Variants in TSPEAR observed in about 807,000 individuals in gnomAD.
TSPEAR encodes thrombospondin type laminin G domain and EAR repeats.
Under a neutral mutation model 71.6 loss-of-function variants are expected in TSPEAR, and 69 were observed. That is an observed-to-expected ratio of 0.96 (90% CI 0.79 to 1.18). The LOEUF (loss-of-function observed/expected upper bound fraction) is 1.18. Ranked by LOEUF, TSPEAR falls within the 50% of genes most tolerant of loss-of-function variation. The probability of loss-of-function intolerance (pLI) is 0.00; values close to 1 mark genes in which losing one functional copy is unlikely to be tolerated. For synonymous variants in TSPEAR, 402 were observed against 387.2 expected (o/e 1.04, Z -0.45); for missense variants, 971 against 894.9 (o/e 1.09, Z -1.09).
intron 2 of TSPEAR, among the ~76,000 whole-genome samples, chr21:44,535,277 G>A (rs2053069216): frequency 6.6e-6 from 1 of 151,834 alleles, no homozygotes; most frequent in Non-Finnish European, 1.5e-5. Context: ...ATACAAATGC[G>A]GTGTCCACCA....
chr21:44,577,148 AG>A (rs2146093536), intron 1 of TSPEAR, among the ~76,000 whole-genome samples: 1 of 152,362 alleles, frequency 6.6e-6, no homozygotes, highest in South Asian at 2.1e-4. Context: ...AAGCATGTAG[AG>A]GAAAATGCAT....
At position 44,527,584 on chromosome 21, in the gene TSPEAR, G is replaced by A. The variant is rs73907007; in HGVS notation, c.923-66C>T. ...AACGGAAATCCAGAGCAATCCTCGC[G>A]GGAGCGCGATTCCCAAGCCCCAAGT... On this transcript the variant is annotated intron_variant, in intron 6 of 11. Transcript: ENST00000323084. 8.2e-3 allele frequency: 12,401 copies of A among 1,519,098 alleles called. 387 individuals carry two copies. The highest frequency in any genetic ancestry group is 0.061 in the African/African-American group (4,464 of 72,940). 94.1% of individuals were successfully genotyped at this position (1,519,098 alleles called of 1,614,324 possible).
chr21:44,525,895 T>G (rs1555914902), intron 7 of TSPEAR, 56 bp from the exon 8 acceptor site: 9 of 1,572,912 alleles, frequency 5.7e-6, no homozygotes, highest in Admixed American at 5.1e-5. Flanking sequence ...GCCAGCGGCC[T>G]GGTTTCTGAA....
intron 2 of TSPEAR, among the ~76,000 whole-genome samples, chr21:44,555,987 A>T (rs2053521378): frequency 6.6e-6 from 1 of 152,246 alleles, no homozygotes; most frequent in South Asian, 2.1e-4. Flanking sequence ...ACAAGTTAAT[A>T]GATACAGCGG....
chr21:44,599,172 C>CTCTCTCAATGTA (rs1372930980), intron 1 of TSPEAR, among the ~76,000 whole-genome samples: 1,606 of 145,998 alleles, frequency 0.011, 85 homozygotes, highest in African/African-American at 0.038. Context: ...CTCTCTCTCT[C>CTCTCTCAATGTA]CTTCCATCCC....
intron 1 of TSPEAR, chr21:44,592,443 G>A (rs781904513): frequency 6.2e-7 from 1 of 1,611,154 alleles, no homozygotes; most frequent in Non-Finnish European, 8.5e-7. Flanking sequence ...GGCTGCCGTA[G>A]CTCAGGTCGC....
intron 9 of TSPEAR, among the ~76,000 whole-genome samples, chr21:44,521,194 T>C (rs1200805038): frequency 6.6e-6 from 1 of 152,136 alleles, no homozygotes; most frequent in Non-Finnish European, 1.5e-5. Flanking sequence ...AGCTGCCTCC[T>C]CCGGGGAACT....
intron 9 of TSPEAR, among the ~76,000 whole-genome samples, chr21:44,513,660 G>A (rs766892984): frequency 5.3e-5 from 8 of 152,196 alleles, no homozygotes; most frequent in East Asian, 1.9e-4. Context: ...CCTCGAGGGC[G>A]GGTGGGCACC....
chr21:44,504,174 C>T lies in TSPEAR; in HGVS notation c.1856+606G>A, dbSNP rs144979083. ...GGGAAGCAAGTCTCTTGGAGGAGGC[C>T]GGCCTTGGTGAGCCCACAGTGGGGA... On this transcript the variant is annotated intron_variant, in intron 11 of 11. Transcript: ENST00000323084. Among the ~76,000 whole-genome samples, 855 of 132,232 alleles carry T rather than the reference C, an allele frequency of 6.5e-3. 19 individuals carry two copies. Among genetic ancestry groups the T allele is most frequent in the Middle Eastern group, 0.023 (4 of 174 alleles). The allele number at this position is 132,232 out of a possible 152,430, so 86.7% of individuals were successfully genotyped here. A position where few individuals can be genotyped will look rare whatever the true frequency, so the allele number is the denominator to read the frequency against.
intron 1 of TSPEAR, chr21:44,573,919 G>C (rs199499489): frequency 6.5e-4 from 1,053 of 1,611,950 alleles, no homozygotes; most frequent in East Asian, 5.1e-3. Context: ...CCCTGCCTGA[G>C]CCTGGTCTGC....
chr21:44,693,580 T>C (rs1987206436), intron 1 of TSPEAR, among the ~76,000 whole-genome samples: 1 of 152,164 alleles, frequency 6.6e-6, no homozygotes, highest in South Asian at 2.1e-4. Context: ...TCAACAGTAT[T>C]ACTCATTAGG....
chr21:44,612,471 G>A lies in TSPEAR; in HGVS notation c.83-44466C>T, dbSNP rs782040508. Reference sequence around the variant, plus strand: ...CAGGCCTGCTGTGTGCCTGTGTGCTGCAAGTCCAACTGCTGCAAGCCCGTG... The same window carrying A: ...CAGGCCTGCTGTGTGCCTGTGTGCTACAAGTCCAACTGCTGCAAGCCCGTG... On this transcript the variant is annotated intron_variant, in intron 1 of 11. Coordinates refer to ENST00000323084, the MANE Select transcript of TSPEAR (RefSeq NM_144991.3). The surrounding 1 kb of genome is among the most constrained non-coding windows in gnomAD (Gnocchi z 4.1). 30 of 1,610,178 alleles carry A rather than the reference G, an allele frequency of 1.9e-5. No individual in the cohort carries two copies. The highest frequency in any genetic ancestry group is 2.5e-5 in the Non-Finnish European group (29 of 1,177,112).
chr21:44,635,584 A>T (rs1466206870), intron 1 of TSPEAR, among the ~76,000 whole-genome samples: 1 of 152,164 alleles, frequency 6.6e-6, no homozygotes, highest in African/African-American at 2.4e-5. Flanking sequence ...ATATTCCATG[A>T]CTGCGTCTAT....
At chr21:44,627,094 C>T in intron 1 of TSPEAR, 2 of 1,563,266 alleles carry the variant, frequency 1.3e-6, no homozygotes, top group East Asian at 2.3e-5. Flanking sequence ...AAGAACCTCA[C>T]ACACTCACAA....
Position 44,612,013 on chromosome 21 carries a change from C to A in TSPEAR, c.83-44008G>T. 7.3e-7 allele frequency: 1 copy of A among 1,367,406 alleles called. No homozygotes were observed. The allele number at this position is 1,367,406 out of a possible 1,614,324, so 84.7% of individuals were successfully genotyped here. ...TGTGAGACTCCTGTGAGGAAAATAC[C>A]CAGGGAGGGTATAAAACCTCAGCAG... is the stretch of plus-strand genomic sequence containing the variant. On this transcript the variant is annotated intron_variant, in intron 1 of 11. Coordinates refer to ENST00000323084, the MANE Select transcript of TSPEAR (RefSeq NM_144991.3). This position sits in a 1 kb window ranked among gnomAD's most constrained non-coding sequence, Gnocchi z 4.1.
chr21:44,512,342 T>TG (rs1203571256), intron 9 of TSPEAR, among the ~76,000 whole-genome samples: 4 of 49,028 alleles, frequency 8.2e-5, no homozygotes, highest in Admixed American at 2.8e-4. Flanking sequence ...GCTGTGGGGG[T>TG]GGGGTGGGGT....
intron 7 of TSPEAR, 104 bp from the exon 8 acceptor site, chr21:44,525,943 C>T: frequency 8.4e-7 from 1 of 1,190,156 alleles, no homozygotes; most frequent in Non-Finnish European, 1.2e-6. Flanking sequence ...AGATCCACGG[C>T]TGCTACGTGG....
intron 1 of TSPEAR, among the ~76,000 whole-genome samples, chr21:44,689,065 C>T (rs1986991345): frequency 6.6e-6 from 1 of 152,098 alleles, no homozygotes; most frequent in African/African-American, 2.4e-5. Flanking sequence ...AAACAGACCA[C>T]ACACACAGCA....
chr21:44,555,686 A>G (rs1159259284), intron 2 of TSPEAR, among the ~76,000 whole-genome samples: 6 of 151,614 alleles, frequency 4.0e-5, no homozygotes, highest in African/African-American at 1.5e-4. Context: ...CCCCCTTCAC[A>G]AGCAGGGTAG....
Sources: allele counts gnomAD v4.1 joint callset (sites outside exome capture counted in the v4.1 genomes callset), GRCh38; gene constraint gnomAD v4.1.1; non-coding constraint Gnocchi (gnomAD v3.1); transcripts MANE v1.5; gene names NCBI Gene and HGNC (gene_info 2026-07-23, HGNC 2026-07-21).